The following ATP2C1 variants were observed in gnomAD, a reference collection of about 807,000 sequenced individuals.
ATP2C1 encodes calcium-transporting ATPase type 2C member 1.
ATP2C1 carries 31 observed loss-of-function variants against 120.5 expected under a neutral mutation model. The observed-to-expected ratio is 0.26, with a 90% CI of 0.19 to 0.35. The LOEUF (loss-of-function observed/expected upper bound fraction) is 0.35, where lower values mean the gene tolerates loss of function less well. Among genes scored for constraint, ATP2C1 ranks in the 10% least tolerant of loss-of-function variants. ATP2C1 has a pLI of 1.00. For missense variants in ATP2C1, 731 were observed against 1,107.5 expected (o/e 0.66, Z 4.83); for synonymous variants, 351 against 358.7 (o/e 0.98, Z 0.24).
At chr3:130,983,259 T>C (rs973967033) in intron 20 of ATP2C1, among the ~76,000 whole-genome samples, 1 of 152,194 alleles carries the variant, frequency 6.6e-6, no homozygotes, top group Non-Finnish European at 1.5e-5. Context: ...TTACTTCTTA[T>C]AGCTACCTTA....
Position 130,903,995 on chromosome 3 carries a change from G to A in ATP2C1, c.6+9220G>A, listed in dbSNP as rs941618059. Reference sequence around the variant, plus strand: ...AAAATGCCAAATTCTTCCCAGAGTGGCAGTATAATTCAGATGTAGTTAACT... The same window carrying A: ...AAAATGCCAAATTCTTCCCAGAGTGACAGTATAATTCAGATGTAGTTAACT... On this transcript the variant is annotated intron_variant, in intron 2 of 27. Coordinates refer to ENST00000510168, the MANE Select transcript of ATP2C1 (RefSeq NM_001378687.1). 3.8e-4 allele frequency among the ~76,000 whole-genome samples: 58 copies of A among 151,886 alleles called. 1 individual carries two copies. Among genetic ancestry groups the A allele is most frequent in the African/African-American group, 1.4e-3 (56 of 41,366 alleles).
intron 1 of ATP2C1, among the ~76,000 whole-genome samples, chr3:130,852,887 G>C (rs975312339): frequency 6.6e-6 from 1 of 152,206 alleles, no homozygotes; most frequent in African/African-American, 2.4e-5. Flanking sequence ...AGAGGAAGAT[G>C]TGAATTTCTA....
intron 6 of ATP2C1, among the ~76,000 whole-genome samples, chr3:130,939,256 TTTG>T (rs2059796537): frequency 6.6e-6 from 1 of 152,226 alleles, no homozygotes; most frequent in African/African-American, 2.4e-5. Flanking sequence ...TTTATCATTA[TTTG>T]TTATTTGTGC....
intron 18 of ATP2C1, 121 bp downstream of exon 18, chr3:130,975,609 C>A: frequency 8.4e-7 from 1 of 1,193,398 alleles, no homozygotes; most frequent in Non-Finnish European, 1.2e-6. Context: ...AGAACCCTTG[C>A]CAGTATTGAG....
intron 2 of ATP2C1, among the ~76,000 whole-genome samples, chr3:130,927,454 G>T (rs1001934244): frequency 3.3e-5 from 5 of 152,012 alleles, no homozygotes; most frequent in African/African-American, 1.2e-4. Context: ...TGTTAGCCAG[G>T]ATGGTCTCGA....
chr3:130,925,040 C>CT (rs1306011384), intron 2 of ATP2C1, among the ~76,000 whole-genome samples: 1 of 152,068 alleles, frequency 6.6e-6, no homozygotes, highest in Non-Finnish European at 1.5e-5. Context: ...CTTTGATTAG[C>CT]TTAATAATTG....
intron 2 of ATP2C1, among the ~76,000 whole-genome samples, chr3:130,915,080 T>A (rs921842604): frequency 2.6e-5 from 4 of 151,754 alleles, no homozygotes; most frequent in African/African-American, 9.7e-5. Flanking sequence ...CTGGGATTAA[T>A]TCATTCTGGG....
intron 1 of ATP2C1, among the ~76,000 whole-genome samples, chr3:130,886,843 G>T (rs1302132849): frequency 2.0e-5 from 3 of 152,112 alleles, no homozygotes; most frequent in African/African-American, 7.2e-5. Flanking sequence ...ATTGATCCCT[G>T]GTGTCTTATT....
intron 1 of ATP2C1, among the ~76,000 whole-genome samples, chr3:130,879,525 A>C (rs2068716270): frequency 6.6e-6 from 1 of 152,170 alleles, no homozygotes; most frequent in Non-Finnish European, 1.5e-5. Context: ...TTTCTTTTCA[A>C]GCATTTCATG....
chr3:130,895,150 A>G (rs867693511), intron 2 of ATP2C1, among the ~76,000 whole-genome samples: 4 of 152,170 alleles, frequency 2.6e-5, no homozygotes, highest in African/African-American at 9.6e-5. Context: ...GCATCTCTGT[A>G]TATTGGCGTT....
At position 131,002,508 on chromosome 3, in the gene ATP2C1, A is replaced by C; in HGVS notation, c.*1158A>C. ...GTGTTCTGTACCTTCTTTTTGTTTC[A>C]TTGGGCATGCTAGGGAAATAGGTGG... On this transcript the variant is annotated 3_prime_UTR_variant, in exon 28 of 28. Coordinates refer to ENST00000510168, the MANE Select transcript of ATP2C1 (RefSeq NM_001378687.1). The C allele has an allele frequency of 2.0e-6, 2 of 985,272 alleles. No individual in the cohort carries two copies. Among genetic ancestry groups the C allele is most frequent in the Non-Finnish European group, 2.4e-6 (2 of 829,896 alleles). The allele number at this position is 985,272 out of a possible 1,614,324, so 61.0% of individuals were successfully genotyped here.
chr3:130,894,165 C>CCCACAAA lies in ATP2C1; in HGVS notation c.-352_-351insCACAAAC. 1 of 826,312 alleles carries CCCACAAA rather than the reference C, an allele frequency of 1.2e-6. No individual in the cohort carries two copies. The highest frequency in any genetic ancestry group is 1.5e-6 in the Non-Finnish European group (1 of 684,818). The allele number at this position is 826,312 out of a possible 1,614,324, so 51.2% of individuals were successfully genotyped here. ...CCTCTTCTCTCCCCTCCCCGCCCGC[C>CCCACAAA]CTCTCTCCCTCCCTTCCTCCCTCCC... On this transcript the variant is annotated 5_prime_UTR_variant, in exon 1 of 28. Coordinates refer to ENST00000510168, the MANE Select transcript of ATP2C1 (RefSeq NM_001378687.1). This position sits in a 1 kb window ranked among gnomAD's most constrained non-coding sequence, Gnocchi z 4.5.
intron 2 of ATP2C1, among the ~76,000 whole-genome samples, chr3:130,901,302 G>A (rs775006222): frequency 3.9e-5 from 6 of 152,056 alleles, no homozygotes; most frequent in Non-Finnish European, 7.4e-5. Flanking sequence ...TCTGAAGTCT[G>A]CCAGCCCTCT....
chr3:130,957,039 T>C (rs1388502707), intron 11 of ATP2C1, among the ~76,000 whole-genome samples: 1 of 152,226 alleles, frequency 6.6e-6, no homozygotes, highest in African/African-American at 2.4e-5. Context: ...ATTAACCATT[T>C]ATGCCTAGTG....
rs756360167 is a variant in ATP2C1 at position 130,959,157 on chromosome 3, G to A, written c.833-118G>A. On this transcript the variant is annotated intron_variant, in intron 11 of 27. Transcript: ENST00000510168. ...TGGATTTTTATAAAATCTTCTAATT[G>A]TGATCTGATATGCTTTCCCTTTTTT... 13 of 703,098 alleles carry A rather than the reference G, an allele frequency of 1.8e-5. No individual in the cohort carries two copies. In the Admixed American group the frequency reaches 2.0e-4, roughly 11 times the overall value. 43.6% of individuals were successfully genotyped at this position (703,098 alleles called of 1,614,324 possible). A position where few individuals can be genotyped will look rare whatever the true frequency, so the allele number is the denominator to read the frequency against.
At chr3:130,994,155 C>G in intron 22 of ATP2C1, 57 bp downstream of exon 22, 1 of 1,591,906 alleles carries the variant, frequency 6.3e-7, no homozygotes, top group Non-Finnish European at 8.6e-7. Context: ...CTTTCCTGTC[C>G]CCCACCCCTA....
intron 18 of ATP2C1, among the ~76,000 whole-genome samples, chr3:130,977,215 CTG>C (rs1491438159): frequency 2.6e-5 from 4 of 152,262 alleles, no homozygotes; most frequent in East Asian, 1.9e-4. Flanking sequence ...CCTGGGAAGA[CTG>C]TGGTGCAGAG....
At position 131,001,676 on chromosome 3, in the gene ATP2C1, A is replaced by C; in HGVS notation, c.*326A>C. ...GTCTAACAGTACAAATACACTATCT[A>C]TCTTAGATAGATATATTTTTTTTTA... is the stretch of plus-strand genomic sequence containing the variant. On this transcript the variant is annotated 3_prime_UTR_variant, in exon 28 of 28. Coordinates refer to ENST00000510168, the MANE Select transcript of ATP2C1 (RefSeq NM_001378687.1). The C allele has an allele frequency of 1.0e-6, 1 of 985,210 alleles. No individual in the cohort carries two copies. The highest frequency in any genetic ancestry group is 1.7e-5 in the African/African-American group (1 of 57,352). The allele number at this position is 985,210 out of a possible 1,614,324, so 61.0% of individuals were successfully genotyped here.
intron 20 of ATP2C1, among the ~76,000 whole-genome samples, chr3:130,992,415 A>G (rs966679681): frequency 6.6e-6 from 1 of 152,202 alleles, no homozygotes; most frequent in Non-Finnish European, 1.5e-5. Flanking sequence ...AAAGGATTAA[A>G]TATTTATTTT....
Sources: gnomAD v4.1 joint callset for allele counts (sites outside exome capture counted in the v4.1 genomes callset) on GRCh38, gnomAD v4.1.1 for gene constraint, Gnocchi (gnomAD v3.1) non-coding constraint, MANE v1.5 for transcripts, NCBI Gene and HGNC (gene_info 2026-07-23, HGNC 2026-07-21) for gene names.